The following PCDHA1 variants were observed in gnomAD, a reference collection of about 807,000 sequenced individuals.
The protein encoded by PCDHA1 is protocadherin alpha-1.
Under a neutral mutation model 61.3 loss-of-function variants are expected in PCDHA1, and 42 were observed. That is an observed-to-expected ratio of 0.69 (90% confidence interval 0.54 to 0.89). The LOEUF is 0.89. Among genes scored for constraint, PCDHA1 ranks in the 40% least tolerant of loss-of-function variants. The probability of loss-of-function intolerance (pLI) is 0.00; values close to 1 mark genes in which losing one functional copy is unlikely to be tolerated. For synonymous variants in PCDHA1, 610 were observed against 553.8 expected (o/e 1.10, Z -1.43); for missense variants, 1,256 against 1,235.3 (o/e 1.02, Z -0.25).
intron 1 of PCDHA1, among the ~76,000 whole-genome samples, chr5:140,873,335 T>C (rs192894155): frequency 6.6e-6 from 1 of 152,358 alleles, no homozygotes; most frequent in African/African-American, 2.4e-5. Flanking sequence ...CATACATTAC[T>C]CATCTCCAGA....
intron 1 of PCDHA1, chr5:140,796,758 C>T (rs1554120090): frequency 2.5e-6 from 4 of 1,614,136 alleles, no homozygotes; most frequent in South Asian, 1.1e-5. Flanking sequence ...GCGCAGTGGA[C>T]GCTGACTCAG....
chr5:140,836,030 G>C, intron 1 of PCDHA1: 1 of 1,613,484 alleles, frequency 6.2e-7, no homozygotes, highest in Non-Finnish European at 8.5e-7. Flanking sequence ...GCAGCAACGT[G>C]ACGCTGCAGG....
chr5:140,877,298 A>C, intron 1 of PCDHA1: 1 of 1,613,870 alleles, frequency 6.2e-7, no homozygotes. Flanking sequence ...TGGCTGTCCT[A>C]CGAGTTGCAA....
At chr5:140,869,790 A>G (rs782009264) in intron 1 of PCDHA1, 4 of 1,612,954 alleles carry the variant, frequency 2.5e-6, no homozygotes, top group African/African-American at 1.3e-5. Context: ...TTCGGCTGTT[A>G]GTCCAAGTCT....
At chr5:140,914,095 C>G (rs1368870998) in intron 1 of PCDHA1, among the ~76,000 whole-genome samples, 1 of 152,082 alleles carries the variant, frequency 6.6e-6, no homozygotes, top group Non-Finnish European at 1.5e-5. Context: ...TCAATTTGTT[C>G]TATAGTGCAG....
In PCDHA1 at chr5:140,982,560, C is replaced by T. The variant is rs782437404; in HGVS notation, c.2539C>T (p.Pro847Ser). 6.2e-7 allele frequency: 1 copy of T among 1,614,098 alleles called. No homozygotes were observed. Among genetic ancestry groups the T allele is most frequent in the Admixed American group, 1.7e-5 (1 of 60,022 alleles). ...GTGGCCAACAGTATCCAGTGCAACA[C>T]CAGGTAAAGAGCTGGGGTCTCTCCA... ...QQWPTVSSAT[P>S]EPEAGEVSPP... The change falls in exon 3 of 4, where the codon CCA (proline) becomes TCA (serine). Residue 847 changes from proline (P) to serine (S), a missense_variant. Coordinates refer to ENST00000504120, the MANE Select transcript of PCDHA1 (RefSeq NM_018900.4).
At chr5:140,846,491 C>T (rs1471835490) in intron 1 of PCDHA1, among the ~76,000 whole-genome samples, 1 of 146,532 alleles carries the variant, frequency 6.8e-6, no homozygotes, top group Non-Finnish European at 1.5e-5. Context: ...TCTCCTTCCT[C>T]AGCCTCCCAA....
chr5:140,818,593 T>C, intron 1 of PCDHA1, among the ~76,000 whole-genome samples: 1 of 152,100 alleles, frequency 6.6e-6, no homozygotes, highest in South Asian at 2.1e-4. Flanking sequence ...TCCCAACACC[T>C]GTGTGGGCCA....
chr5:140,942,359 C>T (rs943225700), intron 1 of PCDHA1, among the ~76,000 whole-genome samples: 5 of 151,564 alleles, frequency 3.3e-5, no homozygotes, highest in Non-Finnish European at 5.9e-5. Flanking sequence ...TTGCAGTTAA[C>T]GGAGATTGCA....
At chr5:140,836,644 G>A (rs2150266560) in intron 1 of PCDHA1, 1 of 1,613,528 alleles carries the variant, frequency 6.2e-7, no homozygotes. Flanking sequence ...TCCCAGCAGA[G>A]GCGGCAGAGG....
intron 1 of PCDHA1, chr5:140,866,616 C>G (rs1470168934): frequency 6.6e-6 from 1 of 152,048 alleles, no homozygotes; most frequent in Non-Finnish European, 1.5e-5. Context: ...TGGAGAACCT[C>G]CTGGGGTTCT....
At position 140,847,175 on chromosome 5, in the gene PCDHA1, G is replaced by A. The variant is rs1238681114; in HGVS notation, c.2394+58491G>A. ...TGATTTCTGAGTAATAAACTAAAGG[G>A]CCATGAGTGATTAAGGAATTTGGCC... is the stretch of plus-strand genomic sequence containing the variant. On this transcript the variant is annotated intron_variant, in intron 1 of 3. Transcript: ENST00000504120. Among the ~76,000 whole-genome samples the A allele has an allele frequency of 4.0e-5, 6 of 149,412 alleles. 2 individuals are homozygous for A. The highest frequency in any genetic ancestry group is 9.0e-5 in the Non-Finnish European group (6 of 66,808).
chr5:140,805,050 G>GT (rs1554123206), intron 1 of PCDHA1: 18 of 1,590,844 alleles, frequency 1.1e-5, no homozygotes, highest in Non-Finnish European at 1.4e-5. Flanking sequence ...CAAAGTACTT[G>GT]TCTTCCCAGA....
intron 1 of PCDHA1, chr5:140,969,304 C>A (rs782271875): frequency 9.3e-6 from 15 of 1,614,042 alleles, no homozygotes; most frequent in African/African-American, 1.3e-5. Flanking sequence ...TGATTATTCT[C>A]AAAAATGAGG....
intron 1 of PCDHA1, chr5:140,809,272 T>G (rs782439695): frequency 6.2e-7 from 1 of 1,613,988 alleles, no homozygotes; most frequent in Admixed American, 1.7e-5. Context: ...CGCTGGTGGA[T>G]GTCAACGTAT....
At chr5:140,802,430 C>A (rs1047484049) in intron 1 of PCDHA1, 3 of 1,614,204 alleles carry the variant, frequency 1.9e-6, no homozygotes, top group Non-Finnish European at 2.5e-6. Flanking sequence ...TGCTGGACAG[C>A]CCTCTGGACC....
At chr5:140,947,771 T>A (rs1167163964) in intron 1 of PCDHA1, among the ~76,000 whole-genome samples, 1 of 151,706 alleles carries the variant, frequency 6.6e-6, no homozygotes, top group Non-Finnish European at 1.5e-5. Flanking sequence ...AAAATTCTAT[T>A]GTAAATGGAT....
At chr5:140,833,100 T>C (rs1432109647) in intron 1 of PCDHA1, among the ~76,000 whole-genome samples, 1 of 152,166 alleles carries the variant, frequency 6.6e-6, no homozygotes, top group Non-Finnish European at 1.5e-5. Context: ...ACGAGTAATT[T>C]TGACACTCTT....
chr5:141,003,708 A>T (rs1251126675), intron 3 of PCDHA1, among the ~76,000 whole-genome samples: 1 of 152,218 alleles, frequency 6.6e-6, no homozygotes, highest in Non-Finnish European at 1.5e-5. Flanking sequence ...CCAATTGTGA[A>T]GATATCGGCT....
Sources: gnomAD v4.1 joint callset for allele counts (sites outside exome capture counted in the v4.1 genomes callset) on GRCh38, gnomAD v4.1.1 for gene constraint, MANE v1.5 for transcripts, NCBI Gene and HGNC (gene_info 2026-07-23, HGNC 2026-07-21) for gene names.